Variants in MECOM observed in about 807,000 individuals in gnomAD.
MECOM encodes MDS1 and EVI1 complex locus, also known as histone-lysine N-methyltransferase MECOM.
Under a neutral mutation model 116.3 loss-of-function variants are expected in MECOM, and 13 were observed. The ratio of observed to expected loss-of-function variants is 0.11; its 90% CI spans 0.07 to 0.18. The LOEUF is 0.18. Among genes scored for constraint, MECOM ranks in the 10% least tolerant of loss-of-function variants. MECOM has a pLI of 1.00. For missense variants in MECOM, 1,299 were observed against 1,509.0 expected (o/e 0.86, Z 2.31); for synonymous variants, 528 against 535.2 (o/e 0.99, Z 0.19).
intron 2 of MECOM, among the ~76,000 whole-genome samples, chr3:169,191,740 G>GAGAAAGAAAGAAAGAAAGAAAGAA (rs71166250): frequency 2.1e-3 from 138 of 64,302 alleles, no homozygotes; most frequent in Admixed American, 2.0e-3. Flanking sequence ...AAGAAAGAAA[G>GAGAAAGAAAGAAAGAAAGAAAGAA]AGAAAGAAAG....
intron 2 of MECOM, chr3:169,146,504 C>T (rs776047941): frequency 1.2e-5 from 17 of 1,380,388 alleles, no homozygotes; most frequent in Middle Eastern, 2.0e-4. Context: ...ACCCCGGAGA[C>T]GTGTCCAGAC....
chr3:169,467,870 C>T (rs180831944), intron 1 of MECOM, among the ~76,000 whole-genome samples: 2 of 152,290 alleles, frequency 1.3e-5, no homozygotes, highest in East Asian at 3.9e-4. Context: ...GATGACCCAG[C>T]TCATGGTCAG....
rs1776615996 is a variant in MECOM, at chr3:169,663,527, T to TCTCTCTCC, written c.-156_-155insGGAGAGAG. 2 of 523,760 alleles carry TCTCTCTCC rather than the reference T, an allele frequency of 3.8e-6. No individual in the cohort carries two copies. The highest frequency in any genetic ancestry group is 5.0e-5 in the African/African-American group (2 of 40,400). The allele number at this position is 523,760 out of a possible 1,614,324, so 32.4% of individuals were successfully genotyped here. ...CTCTCTCTCTCTCTCTCTCTCTCTC[T>TCTCTCTCC]CTCCCTCCCTCCTGTTTCTCTCCTG... On this transcript the variant is annotated 5_prime_UTR_variant, in exon 1 of 17. Coordinates refer to ENST00000651503, the MANE Select transcript of MECOM (RefSeq NM_004991.4).
At chr3:169,449,349 A>G (rs937319266) in intron 1 of MECOM, among the ~76,000 whole-genome samples, 2 of 152,174 alleles carry the variant, frequency 1.3e-5, no homozygotes, top group African/African-American at 4.8e-5. Context: ...TATTTTTTAC[A>G]CTGACTGCCA....
At chr3:169,134,325 G>A (rs1016142485) in intron 3 of MECOM, among the ~76,000 whole-genome samples, 2 of 152,158 alleles carry the variant, frequency 1.3e-5, no homozygotes, top group African/African-American at 4.8e-5. Context: ...ATTGTCATGT[G>A]AAGAATATTG....
At chr3:169,100,845 C>T (rs1236166375) in intron 12 of MECOM, 40 bp downstream of exon 12, 2 of 1,180,340 alleles carry the variant, frequency 1.7e-6, no homozygotes, top group East Asian at 2.8e-5. Context: ...TTAATTATTA[C>T]AATATTTATC....
rs553450777 is a variant in MECOM, at chr3:169,328,892, T to A, written c.375+52295A>T. On this transcript the variant is annotated intron_variant, in intron 2 of 16. Transcript: ENST00000651503. ...TCATGGAATACATTATCTAACCATG[T>A]TAATATAAAACACGAGACTTGAGGC... Among the ~76,000 whole-genome samples the A allele has an allele frequency of 2.0e-5, 3 of 152,264 alleles. No homozygotes were observed. In the South Asian group the frequency reaches 6.2e-4, roughly 32 times the overall value.
chr3:169,604,737 A>G (rs1403036569), intron 1 of MECOM, among the ~76,000 whole-genome samples: 2 of 152,138 alleles, frequency 1.3e-5, no homozygotes, highest in Non-Finnish European at 2.9e-5. Flanking sequence ...AAGAAACTCA[A>G]GAGGGACTTG....
intron 2 of MECOM, among the ~76,000 whole-genome samples, chr3:169,294,695 C>A (rs561593130): frequency 6.6e-6 from 1 of 152,186 alleles, no homozygotes; most frequent in African/African-American, 2.4e-5. Flanking sequence ...CTCTAAGGAG[C>A]TTATTGGACA....
chr3:169,424,839 TA>T (rs1475905053), intron 1 of MECOM, among the ~76,000 whole-genome samples: 2 of 152,200 alleles, frequency 1.3e-5, no homozygotes, highest in African/African-American at 4.8e-5. Flanking sequence ...CTGATTCATT[TA>T]TTTTTTTGTT....
chr3:169,209,948 C>T (rs1036762176), intron 2 of MECOM, among the ~76,000 whole-genome samples: 1 of 152,060 alleles, frequency 6.6e-6, no homozygotes, highest in African/African-American at 2.4e-5. Context: ...GTCATGGAAC[C>T]AATCCAAATG....
chr3:169,438,825 A>G lies in MECOM; in HGVS notation c.38-57301T>C, dbSNP rs1297925091. Among the ~76,000 whole-genome samples the G allele has an allele frequency of 3.9e-5, 6 of 152,312 alleles. No individual in the cohort carries two copies. In the East Asian group the frequency reaches 9.6e-4, roughly 24 times the overall value. On this transcript the variant is annotated intron_variant, in intron 1 of 16. Transcript: ENST00000651503. ...TGTTTGGCAAATAAAACAACTTTTT[A>G]TTAATCTTCTGTCCATAGTATTTAT...
intron 2 of MECOM, among the ~76,000 whole-genome samples, chr3:169,339,019 C>T (rs1296420695): frequency 6.6e-6 from 1 of 151,946 alleles, no homozygotes; most frequent in Non-Finnish European, 1.5e-5. Context: ...CAATGATTTC[C>T]AGAAAATATT....
chr3:169,302,810 G>A lies in MECOM; in HGVS notation c.375+78377C>T, dbSNP rs79656047. 8.0e-3 allele frequency among the ~76,000 whole-genome samples: 1,218 copies of A among 152,032 alleles called. 43 individuals carry two copies. In the East Asian group the frequency reaches 0.11, roughly 13 times the overall value. Reference sequence around the variant, plus strand: ...ACCCAGGAGACAGAGATTGCAATGAGCCGAGATTGTACCACTGCACTCCAG... The same window carrying A: ...ACCCAGGAGACAGAGATTGCAATGAACCGAGATTGTACCACTGCACTCCAG... On this transcript the variant is annotated intron_variant, in intron 2 of 16. Transcript: ENST00000651503.
Position 169,330,308 on chromosome 3 carries a change from G to T in MECOM, c.375+50879C>A, listed in dbSNP as rs549546154. Among the ~76,000 whole-genome samples, 500 of 152,268 alleles carry T rather than the reference G, an allele frequency of 3.3e-3. 5 individuals carry two copies. The highest frequency in any genetic ancestry group is 0.011 in the African/African-American group (465 of 41,540). ...CTAAGTGCTGGGATTTCAGGCATAA[G>T]CCACCACACCCAGCCTACAGGTGGA... is the stretch of plus-strand genomic sequence containing the variant. On this transcript the variant is annotated intron_variant, in intron 2 of 16. Transcript: ENST00000651503.
intron 10 of MECOM, among the ~76,000 whole-genome samples, chr3:169,104,193 G>C (rs1412642370): frequency 1.3e-5 from 2 of 152,140 alleles, no homozygotes; most frequent in Admixed American, 6.6e-5. Context: ...CTGATCACAG[G>C]GCAGAGATAT....
At chr3:169,597,935 G>A (rs1269205764) in intron 1 of MECOM, among the ~76,000 whole-genome samples, 5 of 152,132 alleles carry the variant, frequency 3.3e-5, no homozygotes, top group Non-Finnish European at 7.4e-5. Flanking sequence ...TCAAATTCAG[G>A]ATATCTACAA....
At chr3:169,305,561 T>G (rs1389623830) in intron 2 of MECOM, among the ~76,000 whole-genome samples, 1 of 152,110 alleles carries the variant, frequency 6.6e-6, no homozygotes, top group East Asian at 1.9e-4. Context: ...TCCAAGATAA[T>G]GGTAAACTTA....
chr3:169,496,452 T>G (rs958216511), intron 1 of MECOM, among the ~76,000 whole-genome samples: 1 of 152,230 alleles, frequency 6.6e-6, no homozygotes, highest in Non-Finnish European at 1.5e-5. Context: ...CCATGATCCA[T>G]ACCTCATTTG....
Sources: allele counts gnomAD v4.1 joint callset (sites outside exome capture counted in the v4.1 genomes callset), GRCh38; gene constraint gnomAD v4.1.1; transcripts MANE v1.5; gene names NCBI Gene and HGNC (gene_info 2026-07-23, HGNC 2026-07-21).